Variants in E2F3 observed in about 807,000 individuals in gnomAD.
E2F3 encodes transcription factor E2F3.
In E2F3, 11 loss-of-function variants were observed where a neutral mutation model predicts 44.4. That is an observed-to-expected ratio of 0.25 (90% CI 0.16 to 0.41). The LOEUF (loss-of-function observed/expected upper bound fraction) is 0.41, where lower values mean the gene tolerates loss of function less well. Among genes scored for constraint, E2F3 ranks in the 10% least tolerant of loss-of-function variants. The pLI is 1.00. For missense variants in E2F3, 487 were observed against 583.6 expected, an observed-to-expected ratio of 0.83 and a Z score of 1.70; for synonymous variants, 249 against 253.0, an observed-to-expected ratio of 0.98 and a Z score of 0.15.
intron 5 of E2F3, 80 bp from the exon 6 acceptor site, chr6:20,488,033 T>C (rs1262398924): frequency 2.5e-6 from 4 of 1,581,008 alleles, no homozygotes; most frequent in Non-Finnish European, 3.4e-6. Context: ...GTTCTTACTT[T>C]CCATTTTTAG....
At position 20,402,583 on chromosome 6, in the gene E2F3, A is replaced by G. The variant is rs1195523885; in HGVS notation, c.351A>G (p.Pro117=). 7.0e-7 allele frequency: 1 copy of G among 1,426,274 alleles called. No homozygotes were observed. Among genetic ancestry groups the G allele is most frequent in the South Asian group, 1.5e-5 (1 of 67,744 alleles). The allele number at this position is 1,426,274 out of a possible 1,614,324, so 88.4% of individuals were successfully genotyped here. ...SSRAGLLQQP[P]ALGRGGSGGG... is the part of the protein sequence containing the mutation. ...GAGCCGGGCTGCTGCAGCAGCCACC[A>G]GCGCTGGGACGCGGCGGCAGCGGCG... Residue 117 remains proline, a synonymous_variant, in exon 1 of 7, where the codon CCA becomes CCG. Transcript: ENST00000346618. This position sits in a 1 kb window ranked among gnomAD's most constrained non-coding sequence, Gnocchi z 5.6.
At chr6:20,471,353 C>T (rs988176648) in intron 1 of E2F3, among the ~76,000 whole-genome samples, 5 of 152,228 alleles carry the variant, frequency 3.3e-5, no homozygotes, top group South Asian at 2.1e-4. Flanking sequence ...GAGGCCGAAG[C>T]GGGTGCATCA....
At chr6:20,462,649 G>T (rs564216017) in intron 1 of E2F3, among the ~76,000 whole-genome samples, 1 of 151,510 alleles carries the variant, frequency 6.6e-6, no homozygotes, top group Non-Finnish European at 1.5e-5. Flanking sequence ...GTAGAGACAG[G>T]GTTTCACCAG....
chr6:20,489,639 T>A (rs1345399461), intron 6 of E2F3, among the ~76,000 whole-genome samples: 1 of 152,198 alleles, frequency 6.6e-6, no homozygotes, highest in Non-Finnish European at 1.5e-5. Context: ...CATTCTTGTT[T>A]ATTGACAGTA....
chr6:20,450,256 C>CT (rs990240920), intron 1 of E2F3, among the ~76,000 whole-genome samples: 22 of 151,670 alleles, frequency 1.5e-4, no homozygotes, highest in Admixed American at 7.2e-4. Context: ...ATGTATAAGC[C>CT]TTTTTTTTGG....
Position 20,490,574 on chromosome 6 carries a change from C to A in E2F3, c.*144C>A. The A allele has an allele frequency of 1.2e-6, 1 of 852,124 alleles. No individual in the cohort carries two copies. Among genetic ancestry groups the A allele is most frequent in the Non-Finnish European group, 1.7e-6 (1 of 601,590 alleles). The allele number at this position is 852,124 out of a possible 1,614,324, so 52.8% of individuals were successfully genotyped here. A position where few individuals can be genotyped will look rare whatever the true frequency, so the allele number is the denominator to read the frequency against. The stretch of plus-strand genomic sequence containing the variant: ...ACTACAAACTTCAGAAGAAAGCTGA[C>A]ATTTTAATGAATTTTTTAAAAAATT... On this transcript the variant is annotated 3_prime_UTR_variant, in exon 7 of 7. Coordinates refer to ENST00000346618, the MANE Select transcript of E2F3 (RefSeq NM_001949.5). This position sits in a 1 kb window ranked among gnomAD's most constrained non-coding sequence, Gnocchi z 4.3.
chr6:20,440,563 G>A (rs919610697), intron 1 of E2F3, among the ~76,000 whole-genome samples: 2 of 152,190 alleles, frequency 1.3e-5, no homozygotes, highest in African/African-American at 4.8e-5. Flanking sequence ...AATGATACCA[G>A]TAGAAAAAAG....
intron 1 of E2F3, among the ~76,000 whole-genome samples, chr6:20,452,780 C>T (rs1158073410): frequency 6.6e-6 from 1 of 151,900 alleles, no homozygotes; most frequent in Non-Finnish European, 1.5e-5. Context: ...GGTGAAACCC[C>T]GTCTCTACTG....
At chr6:20,480,500 A>G (rs998566419) in intron 2 of E2F3, among the ~76,000 whole-genome samples, 8 of 152,214 alleles carry the variant, frequency 5.3e-5, no homozygotes, top group Admixed American at 5.2e-4. Flanking sequence ...ATTTAACATA[A>G]GGGCTAAATT....
In E2F3 at chr6:20,479,946, A is replaced by G; in HGVS notation, c.494A>G (p.Asp165Gly). The G allele has an allele frequency of 6.2e-7, 1 of 1,608,858 alleles. No individual in the cohort carries two copies. The highest frequency in any genetic ancestry group is 8.5e-7 in the Non-Finnish European group (1 of 1,177,302). ...GKGRAALRSP[D>G]SPKTPKSPSE... ...GGAAGAGCTGCACTACGAAGTCCAG[A>G]TAGTCCAAAAAGTAAGGATCTTTTC... The change falls in exon 2 of 7, where the codon GAT (aspartate) becomes GGT (glycine). Residue 165 changes from aspartate to glycine, a missense_variant. Asp to Gly is a moderately conservative substitution (Grantham distance 94, BLOSUM62 -1). This residue lies in a region of E2F3 where 238 missense variants were observed against 236.0 expected (regional missense o/e 1.01). Transcript: ENST00000346618.
intron 4 of E2F3, among the ~76,000 whole-genome samples, chr6:20,485,386 C>T (rs1475594664): frequency 6.6e-6 from 1 of 152,086 alleles, no homozygotes; most frequent in African/African-American, 2.4e-5. Context: ...CAAGACCAGC[C>T]TGGGCAACAG....
intron 1 of E2F3, among the ~76,000 whole-genome samples, chr6:20,440,647 G>C (rs1323991189): frequency 2.0e-5 from 3 of 152,184 alleles, no homozygotes; most frequent in Admixed American, 2.0e-4. Context: ...TTTCCATAAT[G>C]ATCTGAAGTG....
intron 1 of E2F3, among the ~76,000 whole-genome samples, chr6:20,455,004 C>T (rs1451109581): frequency 6.6e-6 from 1 of 152,068 alleles, no homozygotes; most frequent in African/African-American, 2.4e-5. Flanking sequence ...ATTACCCAGC[C>T]GATGACAATG....
chr6:20,445,876 C>T (rs183879371), intron 1 of E2F3, among the ~76,000 whole-genome samples: 3 of 152,306 alleles, frequency 2.0e-5, no homozygotes, highest in Admixed American at 2.0e-4. Context: ...GTTATTCCAG[C>T]TCGGGGTTTC....
At chr6:20,460,195 G>A (rs1240310645) in intron 1 of E2F3, among the ~76,000 whole-genome samples, 5 of 152,128 alleles carry the variant, frequency 3.3e-5, no homozygotes, top group Non-Finnish European at 5.9e-5. Flanking sequence ...TTTTTTGTTT[G>A]TTTGTTTTTA....
chr6:20,484,227 G>T (rs1762319442), intron 4 of E2F3, among the ~76,000 whole-genome samples: 1 of 152,172 alleles, frequency 6.6e-6, no homozygotes, highest in Non-Finnish European at 1.5e-5. Context: ...AGGGAACTTC[G>T]AACCCAAGGA....
chr6:20,488,003 G>A (rs2328524), intron 5 of E2F3, 110 bp from the exon 6 acceptor site: 572,689 of 1,484,722 alleles, frequency 0.39, 115,515 homozygotes, highest in East Asian at 0.59. Flanking sequence ...TAGGGAAAAA[G>A]CAAGTGAAAA....
At position 20,490,956 on chromosome 6, in the gene E2F3, CT is replaced by C. The variant is rs1310087576; in HGVS notation, c.*528del. On this transcript the variant is annotated 3_prime_UTR_variant, in exon 7 of 7. Coordinates refer to ENST00000346618, the MANE Select transcript of E2F3 (RefSeq NM_001949.5). The surrounding 1 kb of genome is among the most constrained non-coding windows in gnomAD (Gnocchi z 4.3). ...AAGTATGAAATGGATTTCTTCAGCT[CT>C]TCTTAGGAATATTTAAATTACTGTC... 1 of 230,056 alleles carries C rather than the reference CT, an allele frequency of 4.3e-6. No individual in the cohort carries two copies. The highest frequency in any genetic ancestry group is 8.6e-6 in the Non-Finnish European group (1 of 115,858). 14.3% of individuals were successfully genotyped at this position (230,056 alleles called of 1,614,324 possible). A position where few individuals can be genotyped will look rare whatever the true frequency, so the allele number is the denominator to read the frequency against.
At chr6:20,458,928 T>A (rs546983076) in intron 1 of E2F3, among the ~76,000 whole-genome samples, 1 of 144,076 alleles carries the variant, frequency 6.9e-6, no homozygotes, top group South Asian at 2.4e-4. Flanking sequence ...CGAAATGGGG[T>A]CTACATCAGA....
Sources: gnomAD v4.1 joint callset for allele counts (sites outside exome capture counted in the v4.1 genomes callset) on GRCh38, gnomAD v4.1.1 for gene constraint, gnomAD v4.1.1 regional missense constraint, Gnocchi (gnomAD v3.1) non-coding constraint, MANE v1.5 for transcripts, NCBI Gene and HGNC (gene_info 2026-07-23, HGNC 2026-07-21) for gene names.